URB1: variants seen among roughly 807,000 people sequenced by gnomAD.
URB1 encodes the protein nucleolar pre-ribosomal-associated protein 1.
URB1 carries 197 observed loss-of-function variants against 242.3 expected under a neutral mutation model. The ratio of observed to expected loss-of-function variants is 0.81; its 90% CI spans 0.72 to 0.91. URB1 has a LOEUF of 0.91. Ranked by LOEUF, URB1 falls within the 40% of genes least tolerant of loss-of-function variation. The probability of loss-of-function intolerance (pLI) is 0.00; values close to 1 mark genes in which losing one functional copy is unlikely to be tolerated. For missense variants in URB1, 2,721 were observed against 2,860.5 expected (o/e 0.95, Z 1.11); for synonymous variants, 1,153 against 1,201.8 (o/e 0.96, Z 0.84).
At chr21:32,370,260 G>A (rs2033392694) in intron 8 of URB1, among the ~76,000 whole-genome samples, 1 of 152,054 alleles carries the variant, frequency 6.6e-6, no homozygotes, top group African/African-American at 2.4e-5. Context: ...AAACTACAAT[G>A]CTATATGAGA....
At chr21:32,388,895 G>A (rs1281227064) in intron 1 of URB1, among the ~76,000 whole-genome samples, 2 of 152,154 alleles carry the variant, frequency 1.3e-5, no homozygotes, top group African/African-American at 4.8e-5. Flanking sequence ...GCACCTACCA[G>A]GTGCACCTAC....
chr21:32,331,176 G>A (rs1337441311), intron 30 of URB1, among the ~76,000 whole-genome samples: 5 of 152,044 alleles, frequency 3.3e-5, no homozygotes, highest in African/African-American at 7.2e-5. Context: ...AATGTGTGCC[G>A]CCACACCCCC....
intron 31 of URB1, among the ~76,000 whole-genome samples, 197 bp downstream of exon 31, chr21:32,325,032 C>T (rs892898891): frequency 3.9e-5 from 6 of 152,260 alleles, no homozygotes; most frequent in African/African-American, 1.2e-4. Context: ...TCAACCTCCA[C>T]GGGGGGTTGT....
intron 1 of URB1, among the ~76,000 whole-genome samples, chr21:32,392,002 C>A (rs1296425215): frequency 6.6e-6 from 1 of 150,738 alleles, no homozygotes; most frequent in Non-Finnish European, 1.5e-5. Flanking sequence ...TCAGCCTGGG[C>A]AACAGAGCAA....
rs111900901 is a variant in URB1 at position 32,312,066 on chromosome 21, G to T, written c.*2852C>A. On this transcript the variant is annotated 3_prime_UTR_variant, in exon 39 of 39. Transcript: ENST00000382751. ...GCCAACCTGGACACATACGTTCCTC[G>T]TTCTTCTTAGAGGCCATTTGCATGT... 1.1e-5 allele frequency: 17 copies of T among 1,605,658 alleles called. No individual in the cohort carries two copies. The highest frequency in any genetic ancestry group is 1.4e-5 in the Non-Finnish European group (17 of 1,179,584).
chr21:32,319,290 G>A lies in URB1; in HGVS notation c.5719C>T (p.Pro1907Ser). Residue 1907 changes from proline to serine, a missense_variant, in exon 36 of 39, where the codon CCT becomes TCT. Physicochemically the swap from Pro to Ser is moderately conservative, Grantham distance 74. Coordinates refer to ENST00000382751, the MANE Select transcript of URB1 (RefSeq NM_014825.3). Reference protein sequence around the residue: ...QRLCQPSSQEPAKRLALHLVN... With the variant: ...QRLCQPSSQESAKRLALHLVN... ...AGGTGCAGGGCAAGCCGCTTGGCAGGCTCCTGGGAGCTAGGCTGGCAAAGG... is the reference window on the plus strand; with the variant it reads ...AGGTGCAGGGCAAGCCGCTTGGCAGACTCCTGGGAGCTAGGCTGGCAAAGG... 1 of 1,551,082 alleles carries A rather than the reference G, an allele frequency of 6.4e-7. No individual in the cohort carries two copies. The highest frequency in any genetic ancestry group is 8.7e-7 in the Non-Finnish European group (1 of 1,146,698).
rs1293553272 is a variant in URB1, at chr21:32,319,200, G to A, written c.5792+17C>T. The A allele has an allele frequency of 2.6e-6, 4 of 1,535,526 alleles. No individual in the cohort carries two copies. The African/African-American group carries it at 5.6e-5, about 21-fold the overall frequency. On this transcript the variant is annotated intron_variant, in intron 36 of 38. Coordinates refer to ENST00000382751, the MANE Select transcript of URB1 (RefSeq NM_014825.3). ...CCAAGAGGCCAGAAGGGCCCCCCTG[G>A]CGGGGGCAGGACTCACCTCAGGTGC...
intron 8 of URB1, among the ~76,000 whole-genome samples, chr21:32,370,261 C>T (rs953973603): frequency 6.6e-6 from 1 of 151,936 alleles, no homozygotes; most frequent in African/African-American, 2.4e-5. Context: ...AACTACAATG[C>T]TATATGAGAG....
Position 32,317,713 on chromosome 21 carries a change from T to A in URB1, c.5997A>T (p.Arg1999Ser). 1.9e-6 allele frequency: 3 copies of A among 1,551,814 alleles called. No individual in the cohort carries two copies. The highest frequency in any genetic ancestry group is 2.6e-6 in the Non-Finnish European group (3 of 1,147,026). ...GGGCTTGGGCCTTCTCAATGGCTGCTCTCAGGTCTTCCTGGAGCTTGAGGT... is the reference window on the plus strand; with the variant it reads ...GGGCTTGGGCCTTCTCAATGGCTGCACTCAGGTCTTCCTGGAGCTTGAGGT... ...ERDLKLQEDL[R>S]AAIEKAQARE... Residue 1999 changes from arginine (R) to serine (S), a missense_variant, in exon 37 of 39, where the codon AGA becomes AGT. By Grantham distance (110) the Arg-to-Ser change is moderately radical. Coordinates refer to ENST00000382751, the MANE Select transcript of URB1 (RefSeq NM_014825.3).
In URB1 at chr21:32,350,911, T is replaced by C; in HGVS notation, c.2625A>G (p.Ala875=). 2 of 1,546,434 alleles carry C rather than the reference T, an allele frequency of 1.3e-6. No homozygotes were observed. The highest frequency in any genetic ancestry group is 1.7e-6 in the Non-Finnish European group (2 of 1,146,518). The part of the protein sequence containing the change: ...EQAREAWLLQ[A]QGSPSPPALP... ...GGGCAGGGGGCGAGGGGCTGCCCTG[T>C]GCCTGCAGCAGCTGAGGGAGACAGC... The change falls in exon 20 of 39, where the codon GCA becomes GCG. Residue 875 remains alanine, a synonymous_variant. Coordinates refer to ENST00000382751, the MANE Select transcript of URB1 (RefSeq NM_014825.3).
rs1203687506 is a variant in URB1, at chr21:32,313,539, A to T, written c.*1379T>A. 6.6e-6 allele frequency: 1 copy of T among 152,242 alleles called. No individual in the cohort carries two copies. The highest frequency in any genetic ancestry group is 1.5e-5 in the Non-Finnish European group (1 of 68,050). The allele number at this position is 152,242 out of a possible 1,614,324, so 9.4% of individuals were successfully genotyped here. The stretch of plus-strand genomic sequence containing the variant: ...TGATCCTTGCTTTGTAGACAGTGCA[A>T]GACAATTATTTGTGGTGAAGGGACT... On this transcript the variant is annotated 3_prime_UTR_variant, in exon 39 of 39. Transcript: ENST00000382751.
At chr21:32,335,320 AC>A (rs1039203959) in intron 28 of URB1, 5 of 152,436 alleles carry the variant, frequency 3.3e-5, no homozygotes, top group African/African-American at 1.2e-4. Flanking sequence ...CCAAATGCCA[AC>A]CCTGGCACGA....
Position 32,392,951 on chromosome 21 carries a change from G to C in URB1, c.-41C>G. ...AGCGCGACGGAAACGACACACCTGA[G>C]GGGACCCGGCAGGAGCACTGGCACA... is the stretch of plus-strand genomic sequence containing the variant. On this transcript the variant is annotated 5_prime_UTR_variant, in exon 1 of 39. Transcript: ENST00000382751. 6.8e-7 allele frequency: 1 copy of C among 1,463,606 alleles called. No homozygotes were observed. Among genetic ancestry groups the C allele is most frequent in the Non-Finnish European group, 9.0e-7 (1 of 1,107,486 alleles). 90.7% of individuals were successfully genotyped at this position (1,463,606 alleles called of 1,614,324 possible). A position where few individuals can be genotyped will look rare whatever the true frequency, so the allele number is the denominator to read the frequency against.
intron 22 of URB1, among the ~76,000 whole-genome samples, 180 bp from the exon 23 acceptor site, chr21:32,345,755 T>C (rs2033079688): frequency 6.6e-6 from 1 of 152,104 alleles, no homozygotes; most frequent in Admixed American, 6.5e-5. Flanking sequence ...GGCACACCTG[T>C]CTCCTTCAAG....
chr21:32,324,577 C>T lies in URB1; in HGVS notation c.5147G>A (p.Arg1716Gln), dbSNP rs996327923. The T allele has an allele frequency of 1.9e-5, 30 of 1,551,588 alleles. No homozygotes were observed. Among genetic ancestry groups the T allele is most frequent in the South Asian group, 1.5e-4 (13 of 84,058 alleles). Residue 1716 changes from arginine to glutamine, a missense_variant, in exon 32 of 39, where the codon CGG becomes CAG. Physicochemically the swap from Arg to Gln is conservative, Grantham distance 43. Coordinates refer to ENST00000382751, the MANE Select transcript of URB1 (RefSeq NM_014825.3). ...SQLLYLLDVV[R>Q]NGIRTQDMRL... is the part of the protein sequence containing the mutation. ...CATGTCCTGAGTTCGAATCCCATTC[C>T]GGACTACATCCAACAGGTAAAGTAG...
chr21:32,343,261 AAAAACC>A (rs1163143250), intron 24 of URB1, among the ~76,000 whole-genome samples: 2 of 152,132 alleles, frequency 1.3e-5, no homozygotes, highest in Non-Finnish European at 2.9e-5. Flanking sequence ...CTGTGATCAC[AAAAACC>A]AGTAATTCCA....
chr21:32,341,631 A>T (rs1345846996), intron 24 of URB1, 107 bp from the exon 25 acceptor site: 1 of 966,646 alleles, frequency 1.0e-6, no homozygotes, highest in African/African-American at 1.6e-5. Context: ...CCATGGCCTG[A>T]CTACCTCCTC....
chr21:32,384,284 C>G, intron 3 of URB1, 29 bp downstream of exon 3: 4 of 1,542,208 alleles, frequency 2.6e-6, no homozygotes, highest in East Asian at 2.5e-5. Context: ...AAAGGCCCAT[C>G]CTTTGTCACA....
rs140949504 is a variant in URB1 at position 32,375,278 on chromosome 21, C to T, written c.750+120G>A. On this transcript the variant is annotated intron_variant, in intron 6 of 38. Coordinates refer to ENST00000382751, the MANE Select transcript of URB1 (RefSeq NM_014825.3). ...GCTTAGGGAAGAGTTTTCCACTCAA[C>T]CAATACAACAATCTATGTAAGATAA... 5.3e-4 allele frequency: 302 copies of T among 569,226 alleles called. No individual in the cohort carries two copies. The African/African-American group carries it at 5.3e-3, about 10-fold the overall frequency. 35.3% of individuals were successfully genotyped at this position (569,226 alleles called of 1,614,324 possible). A position where few individuals can be genotyped will look rare whatever the true frequency, so the allele number is the denominator to read the frequency against.
Sources: allele counts gnomAD v4.1 joint callset (sites outside exome capture counted in the v4.1 genomes callset), GRCh38; gene constraint gnomAD v4.1.1; transcripts MANE v1.5; gene names NCBI Gene and HGNC (gene_info 2026-07-23, HGNC 2026-07-21).